SGCD: variants seen among roughly 807,000 people sequenced by gnomAD.
SGCD encodes sarcoglycan delta.
Under a neutral mutation model 36.6 loss-of-function variants are expected in SGCD, and 18 were observed. The ratio of observed to expected loss-of-function variants is 0.49; its 90% CI spans 0.34 to 0.73. The LOEUF is 0.73. SGCD is among the 30% of genes least tolerant of loss of function. SGCD has a pLI of 0.01. For synonymous variants in SGCD, 133 were observed against 130.6 expected (o/e 1.02, Z -0.12); for missense variants, 387 against 346.7 (o/e 1.12, Z -0.92).
intron 3 of SGCD, among the ~76,000 whole-genome samples, chr5:156,467,451 C>G (rs1009221051): frequency 5.3e-5 from 8 of 152,140 alleles, no homozygotes; most frequent in African/African-American, 1.9e-4. Flanking sequence ...TAATAAAATT[C>G]TATGGTTCTA....
At chr5:156,012,057 C>T (rs1304399734) in intron 1 of SGCD, among the ~76,000 whole-genome samples, 1 of 152,230 alleles carries the variant, frequency 6.6e-6, no homozygotes, top group Non-Finnish European at 1.5e-5. Flanking sequence ...AGATATGTCA[C>T]TATTGCCTGT....
intron 3 of SGCD, among the ~76,000 whole-genome samples, chr5:156,170,420 C>T (rs1336464266): frequency 6.6e-6 from 1 of 152,102 alleles, no homozygotes; most frequent in Non-Finnish European, 1.5e-5. Flanking sequence ...ATCATAAAGC[C>T]TTTGGCAGTG....
chr5:156,084,999 TTTGAATG>T (rs1761058970), intron 1 of SGCD, among the ~76,000 whole-genome samples: 2 of 152,350 alleles, frequency 1.3e-5, no homozygotes, highest in South Asian at 4.1e-4. Flanking sequence ...CAGATTAATT[TTTGAATG>T]TTGAACCTAC....
the SGCD span, among the ~76,000 whole-genome samples, chr5:155,808,724 T>C: frequency 1.3e-5 from 2 of 152,220 alleles, no homozygotes; most frequent in Non-Finnish European, 2.9e-5. Context: ...CTTGAACAAG[T>C]CAAACCTGTC....
Position 156,061,173 on chromosome 5 carries a change from A to ATT in SGCD, c.-281-56694_-281-56693dup, listed in dbSNP as rs201621091. ...TTTAACCCCTGTAAAAATTGCAACTATTTTTTTTTTTTGCTAAAATTTTTC... is the reference window on the plus strand; with the variant it reads ...TTTAACCCCTGTAAAAATTGCAACTATTTTTTTTTTTTTTGCTAAAATTTTTC... On this transcript the variant is annotated intron_variant, in intron 1 of 9. Coordinates refer to the SGCD transcript ENST00000517913. Among the ~76,000 whole-genome samples the ATT allele has an allele frequency of 8.0e-5, 11 of 137,870 alleles. 1 individual carries two copies. In the South Asian group the frequency reaches 2.1e-3, roughly 26 times the overall value. 90.4% of individuals were successfully genotyped at this position (137,870 alleles called of 152,430 possible). A position where few individuals can be genotyped will look rare whatever the true frequency, so the allele number is the denominator to read the frequency against.
At chr5:156,135,243 T>C (rs1211490964) in intron 3 of SGCD, among the ~76,000 whole-genome samples, 2 of 152,244 alleles carry the variant, frequency 1.3e-5, no homozygotes, top group Non-Finnish European at 2.9e-5. Context: ...TTTTATTTGC[T>C]GTCCTAACTT....
intron 3 of SGCD, among the ~76,000 whole-genome samples, chr5:156,129,257 T>C (rs974524462): frequency 6.6e-6 from 1 of 152,250 alleles, no homozygotes; most frequent in African/African-American, 2.4e-5. Context: ...TGCTTTTCTT[T>C]AAATGCATAA....
At chr5:156,135,592 T>C (rs915765191) in intron 3 of SGCD, among the ~76,000 whole-genome samples, 1 of 151,664 alleles carries the variant, frequency 6.6e-6, no homozygotes, top group South Asian at 2.1e-4. Flanking sequence ...ACTTTTTCCT[T>C]GTCTCCTATG....
intron 1 of SGCD, among the ~76,000 whole-genome samples, chr5:156,040,282 T>C (rs1237299731): frequency 6.6e-6 from 1 of 152,220 alleles, no homozygotes; most frequent in Non-Finnish European, 1.5e-5. Flanking sequence ...GATTTACTGA[T>C]GAAGCTTAAG....
rs140124033 is a variant in SGCD, at chr5:156,581,752, T to A, written c.295-7479T>A. On this transcript the variant is annotated intron_variant, in intron 4 of 8. Coordinates refer to ENST00000337851, the MANE Select transcript of SGCD (RefSeq NM_000337.6). The stretch of plus-strand genomic sequence containing the variant: ...CTAGGCATGGGATATAACCTCCCGG[T>A]GTGCCATTTGCTAAGACCATTGGAA... 3.8e-4 allele frequency among the ~76,000 whole-genome samples: 58 copies of A among 152,342 alleles called. 1 individual carries two copies. Among genetic ancestry groups the A allele is most frequent in the African/African-American group, 9.6e-4 (40 of 41,582 alleles).
At chr5:156,348,065 T>C (rs12652777) in intron 3 of SGCD, among the ~76,000 whole-genome samples, 71,540 of 152,024 alleles carry the variant, frequency 0.47, 17,882 homozygotes, top group East Asian at 0.79. Flanking sequence ...CCATCAATCA[T>C]GGTATAAAGG....
intron 3 of SGCD, among the ~76,000 whole-genome samples, chr5:156,287,087 A>T (rs1766625917): frequency 6.6e-6 from 1 of 152,182 alleles, no homozygotes; most frequent in Non-Finnish European, 1.5e-5. Flanking sequence ...ACACTCAGTG[A>T]TAACAAGTGT....
intron 3 of SGCD, among the ~76,000 whole-genome samples, chr5:156,224,874 C>A (rs1337879375): frequency 6.6e-6 from 1 of 152,006 alleles, no homozygotes; most frequent in Admixed American, 6.6e-5. Flanking sequence ...TCTTTCTGTA[C>A]CTATTGTACA....
intron 3 of SGCD, among the ~76,000 whole-genome samples, chr5:156,476,903 C>T (rs112384191): frequency 0.011 from 1,606 of 152,198 alleles, 19 homozygotes; most frequent in African/African-American, 0.036. Context: ...TAGATCTTAG[C>T]GCTGTGATCT....
intron 3 of SGCD, among the ~76,000 whole-genome samples, chr5:156,357,553 G>A (rs576913091): frequency 3.9e-4 from 59 of 152,090 alleles, no homozygotes; most frequent in Non-Finnish European, 6.8e-4. Flanking sequence ...CGACTCAAGC[G>A]GTTTTATTCT....
chr5:155,969,989 T>G (rs1229545081), intron 1 of SGCD, among the ~76,000 whole-genome samples: 3 of 151,980 alleles, frequency 2.0e-5, no homozygotes, highest in Non-Finnish European at 2.9e-5. Flanking sequence ...TAGCTTATTG[T>G]CTTTGTAAGC....
chr5:156,118,272 G>T lies in SGCD; in HGVS notation c.-208+321G>T, dbSNP rs576255767. ...ACTGGCATGCATGGAAGCTTATGGG[G>T]TGTGGTGTCTGAATGTGTGAATCCT... On this transcript the variant is annotated intron_variant, in intron 2 of 9. Coordinates refer to the SGCD transcript ENST00000517913. 2.1e-3 allele frequency among the ~76,000 whole-genome samples: 326 copies of T among 152,236 alleles called. 2 individuals are homozygous for T. Among genetic ancestry groups the T allele is most frequent in the African/African-American group, 7.7e-3 (319 of 41,550 alleles).
chr5:156,640,440 T>A (rs1238054420), intron 6 of SGCD, among the ~76,000 whole-genome samples: 1 of 128,630 alleles, frequency 7.8e-6, no homozygotes. Context: ...CTGTTATTTT[T>A]AAAAATGGAT....
chr5:155,782,021 CTTTTCT>C, the SGCD span, among the ~76,000 whole-genome samples: 5 of 120,640 alleles, frequency 4.1e-5, no homozygotes, highest in Non-Finnish European at 6.6e-5. Flanking sequence ...TTTCATTTTT[CTTTTCT>C]TTTTTTTTTT....
Sources: allele counts gnomAD v4.1 joint callset (sites outside exome capture counted in the v4.1 genomes callset), GRCh38; gene constraint gnomAD v4.1.1; transcripts MANE v1.5; gene names NCBI Gene and HGNC (gene_info 2026-07-23, HGNC 2026-07-21).